Variants in CCSER1 observed in about 807,000 individuals in gnomAD.
CCSER1 encodes the protein serine-rich coiled-coil domain-containing protein 1.
Under a neutral mutation model 82.0 loss-of-function variants are expected in CCSER1, and 41 were observed. That is an observed-to-expected ratio of 0.50 (90% CI 0.39 to 0.65). CCSER1 has a LOEUF of 0.65. Among genes scored for constraint, CCSER1 ranks in the 30% least tolerant of loss-of-function variants. The pLI is 0.00. For missense variants in CCSER1, 1,119 were observed against 1,064.2 expected (o/e 1.05, Z -0.72); for synonymous variants, 414 against 383.9 (o/e 1.08, Z -0.92).
chr4:91,560,988 C>T (rs1407663197), intron 10 of CCSER1, among the ~76,000 whole-genome samples: 2 of 151,274 alleles, frequency 1.3e-5, no homozygotes, highest in Admixed American at 6.6e-5. Context: ...GACTCCAAAA[C>T]CTGAAAGTAA....
intron 3 of CCSER1, among the ~76,000 whole-genome samples, chr4:90,390,503 A>G (rs1381797628): frequency 6.6e-6 from 1 of 151,970 alleles, no homozygotes; most frequent in East Asian, 1.9e-4. Context: ...GTATTACCCA[A>G]TGTTTATCTC....
At position 91,098,960 on chromosome 4, in the gene CCSER1, A is replaced by G. The variant is rs183743136; in HGVS notation, c.2217+12966A>G. On this transcript the variant is annotated intron_variant, in intron 10 of 10. Coordinates refer to ENST00000509176, the MANE Select transcript of CCSER1 (RefSeq NM_001145065.2). Reference sequence around the variant, plus strand: ...GAGTTAGCAAAAATCATTAAGCACTATTGTTCCCTTAAGGTCTAGTATTTT... The same window carrying G: ...GAGTTAGCAAAAATCATTAAGCACTGTTGTTCCCTTAAGGTCTAGTATTTT... Among the ~76,000 whole-genome samples, 254 of 152,326 alleles carry G rather than the reference A, an allele frequency of 1.7e-3. 1 individual carries two copies. Among genetic ancestry groups the G allele is most frequent in the Non-Finnish European group, 3.3e-3 (224 of 68,026 alleles).
At chr4:91,372,691 C>T (rs6853070) in intron 10 of CCSER1, among the ~76,000 whole-genome samples, 116,917 of 151,992 alleles carry the variant, frequency 0.77, 45,555 homozygotes, top group African/African-American at 0.9. Context: ...TTAAATTCAT[C>T]TAATTGGTGA....
rs113876292 is a variant in CCSER1 at position 91,151,106 on chromosome 4, T to C, written c.2217+65112T>C. Among the ~76,000 whole-genome samples, 794 of 152,296 alleles carry C rather than the reference T, an allele frequency of 5.2e-3. 7 individuals carry two copies. Among genetic ancestry groups the C allele is most frequent in the African/African-American group, 0.018 (760 of 41,560 alleles). On this transcript the variant is annotated intron_variant, in intron 10 of 10. Transcript: ENST00000509176. ...TGTGAATCTATCTGGTCCTGGACTT[T>C]TTTTGGTTGGTAGGCTATTAATTAT...
chr4:91,348,584 G>C (rs1371600628), intron 10 of CCSER1, among the ~76,000 whole-genome samples: 1 of 152,152 alleles, frequency 6.6e-6, no homozygotes, highest in African/African-American at 2.4e-5. Flanking sequence ...GAATTCATCT[G>C]AGCTTGGTGC....
intron 5 of CCSER1, among the ~76,000 whole-genome samples, chr4:90,481,613 A>G (rs1052999607): frequency 4.6e-5 from 7 of 152,222 alleles, no homozygotes; most frequent in Non-Finnish European, 1.0e-4. Context: ...CCTTTTCTGC[A>G]TCTATTGAGA....
chr4:90,687,072 T>C (rs1218755960), intron 6 of CCSER1, among the ~76,000 whole-genome samples: 1 of 152,190 alleles, frequency 6.6e-6, no homozygotes, highest in South Asian at 2.1e-4. Context: ...TACCTTCAGC[T>C]CCTTAAGATA....
chr4:90,246,546 C>T (rs1363903463), intron 1 of CCSER1, among the ~76,000 whole-genome samples: 2 of 152,074 alleles, frequency 1.3e-5, no homozygotes, highest in Non-Finnish European at 2.9e-5. Context: ...TCTTTTTCTC[C>T]TGTTCTCAGT....
intron 10 of CCSER1, among the ~76,000 whole-genome samples, chr4:91,174,985 A>T (rs1013161591): frequency 6.6e-6 from 1 of 151,834 alleles, no homozygotes; most frequent in Non-Finnish European, 1.5e-5. Flanking sequence ...CCCCCACCCC[A>T]CAACAGGCCC....
chr4:91,510,602 G>A (rs535892575), intron 10 of CCSER1, among the ~76,000 whole-genome samples: 4 of 152,176 alleles, frequency 2.6e-5, no homozygotes, highest in Admixed American at 6.5e-5. Flanking sequence ...AATTTTCCAC[G>A]TTTGTTGGCC....
At chr4:90,736,713 A>G (rs997102080) in intron 7 of CCSER1, among the ~76,000 whole-genome samples, 11 of 151,978 alleles carry the variant, frequency 7.2e-5, no homozygotes, top group African/African-American at 1.7e-4. Flanking sequence ...GATATTATTA[A>G]TAAGTAAGGA....
intron 5 of CCSER1, among the ~76,000 whole-genome samples, chr4:90,528,608 C>T (rs1184679208): frequency 6.6e-6 from 1 of 152,134 alleles, no homozygotes; most frequent in Non-Finnish European, 1.5e-5. Flanking sequence ...CATAATATTA[C>T]TTCATTTGTG....
chr4:90,691,698 CATAT>C (rs141545024), intron 6 of CCSER1, among the ~76,000 whole-genome samples: 1 of 151,364 alleles, frequency 6.6e-6, no homozygotes, highest in African/African-American at 2.4e-5. Flanking sequence ...TATATACACA[CATAT>C]ATGTTATTTT....
intron 1 of CCSER1, among the ~76,000 whole-genome samples, chr4:90,141,932 T>A (rs1398764040): frequency 2.0e-5 from 3 of 152,336 alleles, no homozygotes; most frequent in East Asian, 3.9e-4. Context: ...GGTTTGTACC[T>A]GTACTCGACC....
chr4:90,725,823 G>C (rs1485826603), intron 7 of CCSER1, among the ~76,000 whole-genome samples: 1 of 151,682 alleles, frequency 6.6e-6, no homozygotes. Flanking sequence ...ACCACATTCT[G>C]AAAAAGTCTA....
chr4:91,072,265 T>C (rs1721516861), intron 9 of CCSER1, among the ~76,000 whole-genome samples: 1 of 152,198 alleles, frequency 6.6e-6, no homozygotes, highest in Non-Finnish European at 1.5e-5. Context: ...GAAATGTTAT[T>C]TGTGCCCATA....
chr4:90,334,107 G>C (rs1442625642), intron 3 of CCSER1, among the ~76,000 whole-genome samples: 1 of 152,120 alleles, frequency 6.6e-6, no homozygotes, highest in African/African-American at 2.4e-5. Context: ...GTGAGCTCAA[G>C]AGAAACCAAG....
intron 10 of CCSER1, among the ~76,000 whole-genome samples, chr4:91,221,056 G>C (rs981503140): frequency 1.3e-5 from 2 of 151,992 alleles, no homozygotes; most frequent in African/African-American, 4.8e-5. Context: ...TGATAATTTA[G>C]AATCCTAAAA....
At chr4:90,828,234 A>G (rs1048547977) in intron 8 of CCSER1, among the ~76,000 whole-genome samples, 1 of 152,218 alleles carries the variant, frequency 6.6e-6, no homozygotes, top group Admixed American at 6.5e-5. Flanking sequence ...CCAAAGTGGC[A>G]TATTTTGAAG....
Sources: gnomAD v4.1 joint callset for allele counts (sites outside exome capture counted in the v4.1 genomes callset) on GRCh38, gnomAD v4.1.1 for gene constraint, MANE v1.5 for transcripts, NCBI Gene and HGNC (gene_info 2026-07-23, HGNC 2026-07-21) for gene names.